Variants in DLG2 observed in about 807,000 individuals in gnomAD.
DLG2 encodes disks large homolog 2.
In DLG2, 45 loss-of-function variants were observed where a neutral mutation model predicts 132.5. The observed-to-expected ratio is 0.34, with a 90% CI of 0.27 to 0.44. The LOEUF is 0.44. Among genes scored for constraint, DLG2 ranks in the 20% least tolerant of loss-of-function variants. DLG2 has a pLI of 1.00. For missense variants in DLG2, 1,045 were observed against 1,196.9 expected (o/e 0.87, Z 1.87); for synonymous variants, 424 against 419.6 (o/e 1.01, Z -0.13).
At chr11:84,064,401 C>A (rs2096640008) in intron 10 of DLG2, among the ~76,000 whole-genome samples, 2 of 152,124 alleles carry the variant, frequency 1.3e-5, no homozygotes, top group African/African-American at 4.8e-5. Context: ...CAGCACAGAA[C>A]CTAAGAACAT....
intron 13 of DLG2, among the ~76,000 whole-genome samples, chr11:83,963,938 T>C (rs1215490406): frequency 2.0e-5 from 3 of 152,010 alleles, no homozygotes; most frequent in African/African-American, 7.2e-5. Flanking sequence ...ATGTATCTCT[T>C]TTCTTTGAGT....
intron 3 of DLG2, among the ~76,000 whole-genome samples, chr11:85,411,584 A>G (rs1418142835): frequency 6.6e-6 from 1 of 151,928 alleles, no homozygotes; most frequent in Non-Finnish European, 1.5e-5. Flanking sequence ...TGCAAATTGT[A>G]CCTAATTGTG....
chr11:85,433,318 A>C (rs1240684115), intron 3 of DLG2, among the ~76,000 whole-genome samples: 1 of 152,244 alleles, frequency 6.6e-6, no homozygotes, highest in Admixed American at 6.5e-5. Flanking sequence ...ATATAACAAC[A>C]TTAAACTTAT....
chr11:84,714,647 T>TTCTCTC (rs754541162), intron 6 of DLG2, among the ~76,000 whole-genome samples: 13 of 90,682 alleles, frequency 1.4e-4, no homozygotes, highest in Admixed American at 5.4e-4. Context: ...CTCTCTCTCT[T>TTCTCTC]TCTCTCTCTC....
rs377384993 is a variant in DLG2, at chr11:84,320,099, C to T, written c.520-68808G>A. 4.4e-4 allele frequency among the ~76,000 whole-genome samples: 67 copies of T among 152,260 alleles called. 1 individual carries two copies. The South Asian group carries it at 0.013, about 30-fold the overall frequency. On this transcript the variant is annotated intron_variant, in intron 7 of 27. Coordinates refer to ENST00000376104, the MANE Select transcript of DLG2 (RefSeq NM_001142699.3). ...GAGATGACATGAAATTCTGGCCAAA[C>T]AAGAATTAGCGATGCACAAGTACAC...
At chr11:85,415,027 C>G (rs1352119720) in intron 3 of DLG2, among the ~76,000 whole-genome samples, 1 of 152,076 alleles carries the variant, frequency 6.6e-6, no homozygotes, top group Non-Finnish European at 1.5e-5. Flanking sequence ...CACCCCCTGA[C>G]AGGCCCCAGT....
At chr11:84,500,440 C>A (rs116269578) in intron 7 of DLG2, among the ~76,000 whole-genome samples, 10 of 151,700 alleles carry the variant, frequency 6.6e-5, no homozygotes, top group African/African-American at 2.2e-4. Flanking sequence ...CTTAAAGAAT[C>A]AATGAAAACA....
chr11:83,677,080 T>C (rs2077854316), intron 18 of DLG2, among the ~76,000 whole-genome samples: 2 of 152,192 alleles, frequency 1.3e-5, no homozygotes. Flanking sequence ...ATGTTCACAA[T>C]ATACTAACAG....
intron 22 of DLG2, chr11:83,483,400 C>A: frequency 2.3e-6 from 2 of 851,858 alleles, no homozygotes; most frequent in East Asian, 2.5e-5. Flanking sequence ...CATGACAGAC[C>A]GTGCTGCCTT....
intron 7 of DLG2, among the ~76,000 whole-genome samples, chr11:84,358,980 G>A (rs192803143): frequency 6.1e-4 from 92 of 151,936 alleles, no homozygotes; most frequent in African/African-American, 2.2e-3. Context: ...TCAGTTTTAT[G>A]GGGGAGAGAT....
chr11:83,758,826 C>T (rs925019518), intron 18 of DLG2, among the ~76,000 whole-genome samples: 2 of 152,062 alleles, frequency 1.3e-5, no homozygotes, highest in South Asian at 4.1e-4. Flanking sequence ...CATAATATGG[C>T]TTGCAATTGT....
intron 8 of DLG2, among the ~76,000 whole-genome samples, chr11:84,187,493 A>T (rs1415971198): frequency 6.6e-6 from 1 of 152,064 alleles, no homozygotes; most frequent in Non-Finnish European, 1.5e-5. Flanking sequence ...TGAGTTAGAA[A>T]TCAAACCTTA....
At chr11:85,100,786 G>A (rs531160135) in intron 6 of DLG2, among the ~76,000 whole-genome samples, 2 of 152,118 alleles carry the variant, frequency 1.3e-5, no homozygotes, top group East Asian at 3.9e-4. Flanking sequence ...CTGCTACTCT[G>A]AGAGTTTATA....
At chr11:84,181,967 C>T (rs886529741) in intron 8 of DLG2, among the ~76,000 whole-genome samples, 5 of 149,484 alleles carry the variant, frequency 3.3e-5, no homozygotes, top group Admixed American at 2.0e-4. Context: ...AATGGATGGG[C>T]CTAGCAGGCA....
chr11:84,177,097 G>T (rs138512817), intron 8 of DLG2, among the ~76,000 whole-genome samples: 77 of 152,218 alleles, frequency 5.1e-4, no homozygotes, highest in African/African-American at 1.7e-3. Flanking sequence ...ACCAAGGATT[G>T]AAAGCAGTTG....
chr11:84,854,298 T>A (rs2082509888), intron 6 of DLG2, among the ~76,000 whole-genome samples: 1 of 151,132 alleles, frequency 6.6e-6, no homozygotes, highest in Non-Finnish European at 1.5e-5. Context: ...TCTGTGACCA[T>A]GGAAAAGTTT....
chr11:83,784,061 C>A (rs927024823), intron 18 of DLG2, among the ~76,000 whole-genome samples: 1 of 152,100 alleles, frequency 6.6e-6, no homozygotes, highest in Non-Finnish European at 1.5e-5. Context: ...TTTGATAAAG[C>A]ATTTGATTAT....
At chr11:85,617,318 C>T (rs1175007210) in intron 2 of DLG2, among the ~76,000 whole-genome samples, 1 of 152,204 alleles carries the variant, frequency 6.6e-6, no homozygotes, top group East Asian at 1.9e-4. Flanking sequence ...GAAACAGCCT[C>T]TTGCCATTTC....
chr11:85,595,019 C>T (rs1353069861), intron 3 of DLG2, among the ~76,000 whole-genome samples: 2 of 146,446 alleles, frequency 1.4e-5, no homozygotes, highest in African/African-American at 2.6e-5. Flanking sequence ...GAGCCGATAT[C>T]GCACCACTGC....
Sources: allele counts gnomAD v4.1 joint callset (sites outside exome capture counted in the v4.1 genomes callset), GRCh38; gene constraint gnomAD v4.1.1; transcripts MANE v1.5; gene names NCBI Gene and HGNC (gene_info 2026-07-23, HGNC 2026-07-21).